Variants in SCG5 observed in about 807,000 individuals in gnomAD.
SCG5 encodes secretogranin V, also known as neuroendocrine protein 7B2.
In SCG5, 18 loss-of-function variants were observed where a neutral mutation model predicts 25.7. The ratio of observed to expected loss-of-function variants is 0.70; its 90% confidence interval spans 0.48 to 1.04. The LOEUF (loss-of-function observed/expected upper bound fraction) is 1.04, where lower values mean the gene tolerates loss of function less well. SCG5 is among the 50% of genes least tolerant of loss of function. The pLI, the probability that SCG5 is intolerant of heterozygous loss-of-function variation, is 0.00. For synonymous variants in SCG5, 101 were observed against 91.7 expected (o/e 1.10, Z -0.58); for missense variants, 206 against 259.8 (o/e 0.79, Z 1.42).
At chr15:32,655,692 A>T (rs376318823) in intron 2 of SCG5, among the ~76,000 whole-genome samples, 5 of 152,332 alleles carry the variant, frequency 3.3e-5, no homozygotes, top group Admixed American at 6.5e-5. Flanking sequence ...CACCCTTACA[A>T]ATGGGATCCA....
At chr15:32,676,925 A>G (rs921463884) in intron 2 of SCG5, among the ~76,000 whole-genome samples, 1 of 152,236 alleles carries the variant, frequency 6.6e-6, no homozygotes, top group African/African-American at 2.4e-5. Flanking sequence ...TGTTAGTAGT[A>G]GATTTTAACA....
chr15:32,655,907 C>G (rs753614041), intron 2 of SCG5, among the ~76,000 whole-genome samples: 6 of 152,182 alleles, frequency 3.9e-5, no homozygotes, highest in African/African-American at 9.7e-5. Context: ...TTTACAGCAG[C>G]CTGAATGGAC....
chr15:32,695,206 G>C (rs948362616), intron 5 of SCG5, among the ~76,000 whole-genome samples: 1 of 151,814 alleles, frequency 6.6e-6, no homozygotes, highest in African/African-American at 2.4e-5. Flanking sequence ...TAGTAGAGAC[G>C]GGGTTTCACC....
chr15:32,646,617 T>C (rs1055880794), intron 2 of SCG5, among the ~76,000 whole-genome samples: 2 of 152,200 alleles, frequency 1.3e-5, no homozygotes, highest in African/African-American at 4.8e-5. Flanking sequence ...CTTGGGAGTC[T>C]TCCTAGAATT....
intron 2 of SCG5, among the ~76,000 whole-genome samples, chr15:32,665,299 G>A (rs2054299779): frequency 6.6e-6 from 1 of 151,476 alleles, no homozygotes; most frequent in Admixed American, 6.6e-5. Flanking sequence ...TTGTAAAACA[G>A]CTTCCTTATC....
At chr15:32,677,275 G>A (rs566278802) in intron 2 of SCG5, among the ~76,000 whole-genome samples, 4 of 152,284 alleles carry the variant, frequency 2.6e-5, no homozygotes, top group South Asian at 2.1e-4. Context: ...GCCTGAATGC[G>A]GGGGCTAGAG....
intron 5 of SCG5, among the ~76,000 whole-genome samples, chr15:32,693,395 CA>C (rs1318734658): frequency 6.6e-6 from 1 of 152,164 alleles, no homozygotes; most frequent in East Asian, 1.9e-4. Flanking sequence ...AAAGAAGGGT[CA>C]CTTTGACCCA....
intron 2 of SCG5, among the ~76,000 whole-genome samples, chr15:32,664,753 T>G (rs2054291620): frequency 6.6e-6 from 1 of 152,208 alleles, no homozygotes; most frequent in East Asian, 1.9e-4. Flanking sequence ...TGTGTCCTGC[T>G]AAGTCACCTC....
chr15:32,668,477 C>T (rs748054394), intron 2 of SCG5, among the ~76,000 whole-genome samples: 4 of 152,166 alleles, frequency 2.6e-5, no homozygotes, highest in African/African-American at 9.7e-5. Flanking sequence ...AATTACATTC[C>T]CAAGCCGTGT....
chr15:32,695,601 A>G (rs1009516578), intron 5 of SCG5, among the ~76,000 whole-genome samples: 4 of 152,026 alleles, frequency 2.6e-5, no homozygotes, highest in Admixed American at 6.6e-5. Flanking sequence ...CAGTTTTTGA[A>G]TTTGACTGAA....
chr15:32,679,276 C>A (rs1212252814), intron 2 of SCG5, among the ~76,000 whole-genome samples: 1 of 151,870 alleles, frequency 6.6e-6, no homozygotes, highest in African/African-American at 2.4e-5. Context: ...CTCACTGCAA[C>A]CTCCACTTCT....
At chr15:32,686,231 A>C (rs2054706100) in intron 4 of SCG5, among the ~76,000 whole-genome samples, 2 of 152,268 alleles carry the variant, frequency 1.3e-5, no homozygotes, top group African/African-American at 2.4e-5. Flanking sequence ...TGTTGAATTA[A>C]ATAGAAAAAC....
chr15:32,646,622 A>T (rs1049533878), intron 2 of SCG5, among the ~76,000 whole-genome samples: 1 of 152,214 alleles, frequency 6.6e-6, no homozygotes, highest in Non-Finnish European at 1.5e-5. Flanking sequence ...GAGTCTTCCT[A>T]GAATTGTATA....
chr15:32,671,042 C>T (rs1228194199), intron 2 of SCG5, among the ~76,000 whole-genome samples: 3 of 152,166 alleles, frequency 2.0e-5, no homozygotes, highest in South Asian at 2.1e-4. Flanking sequence ...ATACAGTATC[C>T]GATTTGTATC....
Position 32,673,284 on chromosome 15 carries a change from G to A in SCG5, c.227-6482G>A, listed in dbSNP as rs1186629203. 3.9e-5 allele frequency: 6 copies of A among 152,184 alleles called. No individual in the cohort carries two copies. The East Asian group carries it at 1.2e-3, about 29-fold the overall frequency. 9.4% of individuals were successfully genotyped at this position (152,184 alleles called of 1,614,324 possible). ...CTGCAGACTTTTAAGAAGGTTCTTAGCAGCCACACCGATGTCACAAATTCC... is the reference window on the plus strand; with the variant it reads ...CTGCAGACTTTTAAGAAGGTTCTTAACAGCCACACCGATGTCACAAATTCC... On this transcript the variant is annotated intron_variant, in intron 2 of 5. Transcript: ENST00000300175.
intron 3 of SCG5, among the ~76,000 whole-genome samples, chr15:32,681,105 GC>G (rs1485705047): frequency 1.3e-5 from 2 of 152,120 alleles, no homozygotes; most frequent in African/African-American, 2.4e-5. Flanking sequence ...TAGCTTTGCT[GC>G]CCCTAGTAAA....
intron 2 of SCG5, among the ~76,000 whole-genome samples, chr15:32,657,196 C>A (rs2054131197): frequency 2.9e-4 from 1 of 3,494 alleles, no homozygotes; most frequent in African/African-American, 1.6e-3. Flanking sequence ...CTTTCATCCT[C>A]CTGTATATAT....
At chr15:32,652,228 G>A (rs898181596) in intron 2 of SCG5, among the ~76,000 whole-genome samples, 1 of 152,146 alleles carries the variant, frequency 6.6e-6, no homozygotes, top group African/African-American at 2.4e-5. Context: ...TTACTGCTTT[G>A]TGGGGGCTTT....
intron 2 of SCG5, among the ~76,000 whole-genome samples, chr15:32,645,780 T>G (rs566811389): frequency 3.9e-5 from 6 of 152,312 alleles, no homozygotes; most frequent in African/African-American, 1.4e-4. Context: ...AAAAACTCTG[T>G]TTCCCTTATT....
Sources: gnomAD v4.1 joint callset for allele counts (sites outside exome capture counted in the v4.1 genomes callset) on GRCh38, gnomAD v4.1.1 for gene constraint, MANE v1.5 for transcripts, NCBI Gene and HGNC (gene_info 2026-07-23, HGNC 2026-07-21) for gene names.